Variants in SSBP2 observed in about 807,000 individuals in gnomAD.
The protein encoded by SSBP2 is single-stranded DNA-binding protein 2.
A neutral mutation model predicts 61.8 loss-of-function variants in SSBP2; 17 were observed. The observed-to-expected ratio is 0.28, with a 90% confidence interval of 0.19 to 0.41. The LOEUF (loss-of-function observed/expected upper bound fraction) is 0.41. Among genes scored for constraint, SSBP2 ranks in the 10% least tolerant of loss-of-function variants. SSBP2 has a pLI of 1.00. For synonymous variants in SSBP2, 139 were observed against 141.3 expected (o/e 0.98, Z 0.12); for missense variants, 310 against 458.7 (o/e 0.68, Z 2.96).
chr5:81,664,918 T>TA (rs1347607071), intron 1 of SSBP2, among the ~76,000 whole-genome samples: 6 of 152,204 alleles, frequency 3.9e-5, no homozygotes, highest in Non-Finnish European at 7.3e-5. Flanking sequence ...TCCACTGCTC[T>TA]ATGTGTCTCT....
chr5:81,583,629 CAAA>C (rs56294944), intron 4 of SSBP2, among the ~76,000 whole-genome samples: 1 of 77,362 alleles, frequency 1.3e-5, no homozygotes, highest in African/African-American at 5.0e-5. Context: ...GACACCGTCT[CAAA>C]AAAAAAAAAA....
At chr5:81,676,521 G>A (rs563143825) in intron 1 of SSBP2, among the ~76,000 whole-genome samples, 2 of 152,104 alleles carry the variant, frequency 1.3e-5, no homozygotes, top group South Asian at 2.1e-4. Flanking sequence ...AAACCACACC[G>A]AACAGTCCCC....
At chr5:81,495,636 A>C (rs1767219297) in intron 5 of SSBP2, among the ~76,000 whole-genome samples, 1 of 152,244 alleles carries the variant, frequency 6.6e-6, no homozygotes, top group South Asian at 2.1e-4. Context: ...AGGAAAGAAT[A>C]CAAAATACTA....
intron 4 of SSBP2, among the ~76,000 whole-genome samples, chr5:81,598,357 A>C (rs1744001026): frequency 6.6e-6 from 1 of 152,216 alleles, no homozygotes; most frequent in Non-Finnish European, 1.5e-5. Flanking sequence ...CTAACTGAGA[A>C]TTCTATACTC....
chr5:81,660,160 T>C (rs1750565639), intron 1 of SSBP2, among the ~76,000 whole-genome samples: 1 of 151,954 alleles, frequency 6.6e-6, no homozygotes, highest in Admixed American at 6.6e-5. Flanking sequence ...AAAGCCAAAA[T>C]AGACAAATGG....
upstream of SSBP2, chr5:81,751,159 C>T (rs1253423342): frequency 1.3e-5 from 14 of 1,073,582 alleles, no homozygotes; most frequent in Non-Finnish European, 1.9e-5. Context: ...GGCCGCCCCA[C>T]GCCAAAGCTC....
At chr5:81,449,698 C>A (rs569497105) in intron 10 of SSBP2, among the ~76,000 whole-genome samples, 16 of 152,140 alleles carry the variant, frequency 1.1e-4, no homozygotes, top group Non-Finnish European at 2.1e-4. Context: ...TAAGGAAGTA[C>A]AACCAAGTTA....
intron 4 of SSBP2, among the ~76,000 whole-genome samples, chr5:81,612,205 A>T (rs561207094): frequency 1.4e-4 from 22 of 152,292 alleles, no homozygotes; most frequent in Non-Finnish European, 2.8e-4. Flanking sequence ...GAATGGCTGA[A>T]AATTACAACT....
chr5:81,515,509 G>T (rs903953837), intron 4 of SSBP2, among the ~76,000 whole-genome samples: 2 of 151,940 alleles, frequency 1.3e-5, no homozygotes, highest in African/African-American at 4.8e-5. Context: ...GTAGTTCAGA[G>T]ATGTAATTTC....
At chr5:81,460,925 T>A in intron 10 of SSBP2, 130 bp downstream of exon 10, 2 of 453,120 alleles carry the variant, frequency 4.4e-6, no homozygotes, top group South Asian at 1.6e-4. Flanking sequence ...TATATTAAAC[T>A]TTTTGAATGA....
chr5:81,502,354 C>T (rs1767860982), intron 5 of SSBP2, among the ~76,000 whole-genome samples: 2 of 152,186 alleles, frequency 1.3e-5, no homozygotes, highest in South Asian at 4.1e-4. Flanking sequence ...GTCTCAAGGG[C>T]TGCTCTTTTT....
chr5:81,543,911 A>C (rs1343689290), intron 4 of SSBP2, among the ~76,000 whole-genome samples: 1 of 152,198 alleles, frequency 6.6e-6, no homozygotes, highest in Non-Finnish European at 1.5e-5. Flanking sequence ...AATAAAATGG[A>C]TATGTTTGCT....
intron 4 of SSBP2, among the ~76,000 whole-genome samples, chr5:81,590,339 AAG>A (rs1174349269): frequency 6.6e-6 from 1 of 152,234 alleles, no homozygotes; most frequent in African/African-American, 2.4e-5. Context: ...CTTTCCAAGT[AAG>A]AGGTAGAAGG....
intron 1 of SSBP2, among the ~76,000 whole-genome samples, chr5:81,679,497 T>G (rs920337458): frequency 2.0e-5 from 3 of 152,208 alleles, no homozygotes; most frequent in Non-Finnish European, 2.9e-5. Context: ...ACTAACCATA[T>G]AGTGGTATAG....
chr5:81,699,742 T>C (rs1753839118), intron 1 of SSBP2, among the ~76,000 whole-genome samples: 1 of 152,212 alleles, frequency 6.6e-6, no homozygotes, highest in Admixed American at 6.5e-5. Flanking sequence ...TGTCGCACAT[T>C]TTCCTAATGA....
In SSBP2 at chr5:81,546,505, C is replaced by T. The variant is rs536032049; in HGVS notation, c.283-32788G>A. Among the ~76,000 whole-genome samples, 12 of 151,898 alleles carry T rather than the reference C, an allele frequency of 7.9e-5. No homozygotes were observed. In the South Asian group the frequency reaches 2.3e-3, roughly 29 times the overall value. On this transcript the variant is annotated intron_variant, in intron 4 of 16. Coordinates refer to ENST00000320672, the MANE Select transcript of SSBP2 (RefSeq NM_012446.5). Reference sequence around the variant, plus strand: ...CTGCTGCCAGAAGGCATATAAATACCTTCTCGGTGTCTTCAACTTTAATGT... The same window carrying T: ...CTGCTGCCAGAAGGCATATAAATACTTTCTCGGTGTCTTCAACTTTAATGT...
At chr5:81,536,639 A>C (rs753730175) in intron 4 of SSBP2, among the ~76,000 whole-genome samples, 3 of 152,198 alleles carry the variant, frequency 2.0e-5, no homozygotes, top group Non-Finnish European at 4.4e-5. Flanking sequence ...ACAATTGCCA[A>C]AACTTGAAAG....
chr5:81,751,240 G>A (rs938898489), upstream of SSBP2: 1 of 602,004 alleles, frequency 1.7e-6, no homozygotes, highest in East Asian at 2.9e-5. Flanking sequence ...GAAGCGCGCG[G>A]TGGCGGCTAA....
At chr5:81,645,950 TAAG>T (rs1215451205) in intron 2 of SSBP2, among the ~76,000 whole-genome samples, 1 of 152,166 alleles carries the variant, frequency 6.6e-6, no homozygotes, top group Non-Finnish European at 1.5e-5. Context: ...TTCTTTTAAT[TAAG>T]AAAAAATGAC....
Sources: gnomAD v4.1 joint callset for allele counts (sites outside exome capture counted in the v4.1 genomes callset) on GRCh38, gnomAD v4.1.1 for gene constraint, MANE v1.5 for transcripts, NCBI Gene and HGNC (gene_info 2026-07-23, HGNC 2026-07-21) for gene names.